HECW1: variants seen among roughly 807,000 people sequenced by gnomAD.
HECW1 encodes HECT, C2 and WW domain containing E3 ubiquitin protein ligase 1.
In HECW1, 61 loss-of-function variants were observed where a neutral mutation model predicts 182.3. The observed-to-expected ratio is 0.33, with a 90% CI of 0.27 to 0.41. The LOEUF (loss-of-function observed/expected upper bound fraction) is 0.41. Ranked by LOEUF, HECW1 falls within the 10% of genes least tolerant of loss-of-function variation. The probability of loss-of-function intolerance (pLI) is 1.00; values close to 1 mark genes in which losing one functional copy is unlikely to be tolerated. For synonymous variants in HECW1, 859 were observed against 832.6 expected (o/e 1.03, Z -0.55); for missense variants, 1,739 against 2,108.9 (o/e 0.82, Z 3.44).
At chr7:43,252,186 A>G (rs565299520) in intron 3 of HECW1, among the ~76,000 whole-genome samples, 1 of 152,274 alleles carries the variant, frequency 6.6e-6, no homozygotes, top group South Asian at 2.1e-4. Flanking sequence ...CATGATAGAT[A>G]ATAGGTTTTT....
intron 2 of HECW1, chr7:43,119,281 G>A (rs1785349562): frequency 6.6e-6 from 1 of 152,330 alleles, no homozygotes; most frequent in African/African-American, 2.4e-5. Flanking sequence ...CAAGGGCACA[G>A]CTTTGCTGAT....
intron 19 of HECW1, among the ~76,000 whole-genome samples, chr7:43,493,433 G>T (rs377020467): frequency 1.3e-5 from 2 of 152,034 alleles, no homozygotes; most frequent in Admixed American, 6.5e-5. Flanking sequence ...ATGTAGGGGG[G>T]GGAAGGACAG....
chr7:43,471,633 G>A (rs1169185257), intron 16 of HECW1, among the ~76,000 whole-genome samples: 2 of 152,140 alleles, frequency 1.3e-5, no homozygotes, highest in African/African-American at 2.4e-5. Flanking sequence ...TGAGAAAGGA[G>A]GACAGAGCCT....
intron 5 of HECW1, among the ~76,000 whole-genome samples, chr7:43,325,311 A>C (rs1386037427): frequency 1.3e-5 from 2 of 152,222 alleles, no homozygotes; most frequent in Non-Finnish European, 2.9e-5. Flanking sequence ...TAACTCAATT[A>C]TCATTTTTTA....
intron 3 of HECW1, among the ~76,000 whole-genome samples, chr7:43,268,536 T>C (rs1802035528): frequency 6.6e-6 from 1 of 152,236 alleles, no homozygotes; most frequent in Non-Finnish European, 1.5e-5. Flanking sequence ...GGGATGCAGC[T>C]GCACATCCCA....
chr7:43,310,656 G>A (rs2152771596), intron 3 of HECW1, among the ~76,000 whole-genome samples: 1 of 152,258 alleles, frequency 6.6e-6, no homozygotes, highest in South Asian at 2.1e-4. Context: ...AAAAGTGCAG[G>A]CCTAAATTAC....
At chr7:43,287,367 C>T (rs954281666) in intron 3 of HECW1, among the ~76,000 whole-genome samples, 1 of 151,794 alleles carries the variant, frequency 6.6e-6, no homozygotes, top group East Asian at 1.9e-4. Context: ...GGCCCCGAGG[C>T]AGGGTTGTGA....
At chr7:43,441,480 G>A (rs527751975) in intron 9 of HECW1, among the ~76,000 whole-genome samples, 12 of 152,294 alleles carry the variant, frequency 7.9e-5, no homozygotes, top group East Asian at 1.9e-4. Context: ...ACTGTCCATC[G>A]TTGAGGACAT....
intron 2 of HECW1, among the ~76,000 whole-genome samples, chr7:43,170,103 G>C (rs1038046696): frequency 2.0e-5 from 3 of 152,130 alleles, no homozygotes; most frequent in Non-Finnish European, 4.4e-5. Flanking sequence ...AAGCATTACC[G>C]CTTGAGCTCT....
intron 21 of HECW1, among the ~76,000 whole-genome samples, chr7:43,503,577 A>G (rs1426274741): frequency 1.3e-5 from 2 of 152,254 alleles, no homozygotes; most frequent in African/African-American, 4.8e-5. Flanking sequence ...CCGTGAATCT[A>G]AGTAATCATC....
At chr7:43,293,219 CAAAAAA>C (rs34748611) in intron 3 of HECW1, among the ~76,000 whole-genome samples, 5 of 76,590 alleles carry the variant, frequency 6.5e-5, no homozygotes, top group African/African-American at 2.2e-4. Flanking sequence ...GACTATGTCT[CAAAAAA>C]AAAAAAAAAA....
intron 3 of HECW1, among the ~76,000 whole-genome samples, chr7:43,310,681 A>C (rs1289447273): frequency 6.6e-6 from 1 of 152,222 alleles, no homozygotes; most frequent in Non-Finnish European, 1.5e-5. Context: ...AACTAGATTG[A>C]TCTAACTGAA....
At chr7:43,201,316 T>G (rs936819635) in intron 2 of HECW1, among the ~76,000 whole-genome samples, 1 of 152,204 alleles carries the variant, frequency 6.6e-6, no homozygotes, top group East Asian at 1.9e-4. Context: ...TTCTGAGTCT[T>G]TCTTCTAGAG....
At chr7:43,494,297 C>G (rs1011064009) in intron 19 of HECW1, among the ~76,000 whole-genome samples, 11 of 152,060 alleles carry the variant, frequency 7.2e-5, no homozygotes, top group African/African-American at 2.4e-4. Flanking sequence ...CATACTCTCT[C>G]CTCCATCCTC....
At chr7:43,359,428 A>G (rs1374400500) in intron 5 of HECW1, among the ~76,000 whole-genome samples, 1 of 152,216 alleles carries the variant, frequency 6.6e-6, no homozygotes, top group African/African-American at 2.4e-5. Context: ...TTAAAAAATA[A>G]TTTGTAAAAA....
chr7:43,556,317 C>T (rs1427371570), intron 29 of HECW1, among the ~76,000 whole-genome samples: 2 of 152,108 alleles, frequency 1.3e-5, no homozygotes, highest in Non-Finnish European at 2.9e-5. Context: ...GTGCAGCTGG[C>T]CAGTGCAGAG....
chr7:43,425,304 T>TGATAGATAGATA (rs60651990), intron 8 of HECW1, among the ~76,000 whole-genome samples: 26,626 of 148,116 alleles, frequency 0.18, 2,506 homozygotes, highest in East Asian at 0.23. Flanking sequence ...GATAGATAGA[T>TGATAGATAGATA]GATAGATAGA....
At chr7:43,466,675 A>T (rs2077793883) in intron 15 of HECW1, 107 bp downstream of exon 15, 1 of 1,295,698 alleles carries the variant, frequency 7.7e-7, no homozygotes, top group African/African-American at 1.5e-5. Flanking sequence ...TAACATAAGC[A>T]AGAAAAAACA....
At position 43,445,147 on chromosome 7, in the gene HECW1, G is replaced by A; in HGVS notation, c.1975G>A (p.Asp659Asn). 6.2e-7 allele frequency: 1 copy of A among 1,610,606 alleles called. No individual in the cohort carries two copies. The change falls in exon 11 of 30, where the codon GAC (aspartate) becomes AAC (asparagine). Residue 659 changes from aspartate (D) to asparagine (N), a missense_variant. Asp to Asn is a conservative substitution (Grantham distance 23). This residue lies in a region of HECW1 where 971 missense variants were observed against 1,029.1 expected (regional missense o/e 0.94). Transcript: ENST00000395891. ...GCACCCCAGCACCGGGAGCGAGAGC[G>A]ACTCCAGCCCCAGGCAAGGCGGGGA... ...DTHPSTGSES[D>N]SSPRQGGDHS...
Sources: allele counts gnomAD v4.1 joint callset (sites outside exome capture counted in the v4.1 genomes callset), GRCh38; gene constraint gnomAD v4.1.1; regional missense constraint gnomAD v4.1.1; transcripts MANE v1.5; gene names NCBI Gene and HGNC (gene_info 2026-07-23, HGNC 2026-07-21).